SUPT3H: variants seen among roughly 807,000 people sequenced by gnomAD.
SUPT3H encodes the protein transcription initiation protein SPT3 homolog.
Under a neutral mutation model 44.3 loss-of-function variants are expected in SUPT3H, and 44 were observed. The observed-to-expected ratio is 0.99, with a 90% confidence interval of 0.78 to 1.28. The LOEUF (loss-of-function observed/expected upper bound fraction) is 1.28, where lower values mean the gene tolerates loss of function less well. SUPT3H is among the 50% of genes most tolerant of loss of function. The pLI is 0.00. For synonymous variants in SUPT3H, 124 were observed against 125.6 expected (o/e 0.99, Z 0.09); for missense variants, 380 against 387.1 (o/e 0.98, Z 0.15).
At chr6:45,210,621 GACCACC>G (rs1431534082) in intron 2 of SUPT3H, among the ~76,000 whole-genome samples, 2 of 152,038 alleles carry the variant, frequency 1.3e-5, no homozygotes, top group Non-Finnish European at 2.9e-5. Flanking sequence ...GCTGTGCTCT[GACCACC>G]TTGAGCACAT....
downstream of SUPT3H, among the ~76,000 whole-genome samples, chr6:44,826,325 G>A (rs1767749917): frequency 6.6e-6 from 1 of 152,192 alleles, no homozygotes; most frequent in East Asian, 1.9e-4. Flanking sequence ...TACAACAATA[G>A]CATGTAAAGT....
rs73735381 is a variant in SUPT3H, at chr6:45,351,320, A to G, written c.101+13881T>C. Among the ~76,000 whole-genome samples the G allele has an allele frequency of 7.2e-3, 1,097 of 152,196 alleles. 19 individuals are homozygous for G. The highest frequency in any genetic ancestry group is 0.025 in the African/African-American group (1,045 of 41,516). ...TAACCCATCAAGATCACAACTTCCT[A>G]TGCATTCTACTAAATTCAACACCTA... On this transcript the variant is annotated intron_variant, in intron 2 of 10. Coordinates refer to ENST00000371459, the MANE Select transcript of SUPT3H (RefSeq NM_003599.4).
At chr6:45,071,303 T>C (rs1166869047) in intron 3 of SUPT3H, among the ~76,000 whole-genome samples, 1 of 147,616 alleles carries the variant, frequency 6.8e-6, no homozygotes, top group Admixed American at 6.7e-5. Flanking sequence ...AATTATATTT[T>C]AAAATTGTTA....
At chr6:45,093,213 T>C (rs898924814) in intron 3 of SUPT3H, among the ~76,000 whole-genome samples, 1 of 152,058 alleles carries the variant, frequency 6.6e-6, no homozygotes, top group Non-Finnish European at 1.5e-5. Context: ...GATAAATAAA[T>C]AAAAGTTGCT....
At chr6:45,201,922 TA>T (rs1462212391) in intron 2 of SUPT3H, among the ~76,000 whole-genome samples, 5 of 151,954 alleles carry the variant, frequency 3.3e-5, no homozygotes, top group African/African-American at 1.2e-4. Flanking sequence ...GTTAAGCCCA[TA>T]AAATGTACAT....
At chr6:45,224,639 G>A (rs183061377) in intron 2 of SUPT3H, among the ~76,000 whole-genome samples, 395 of 152,076 alleles carry the variant, frequency 2.6e-3, no homozygotes, top group African/African-American at 8.4e-3. Context: ...TCAGCTGGGC[G>A]TGGTGGTGTG....
At chr6:45,008,726 A>C (rs1312185299) in intron 5 of SUPT3H, among the ~76,000 whole-genome samples, 3 of 149,568 alleles carry the variant, frequency 2.0e-5, no homozygotes, top group African/African-American at 7.4e-5. Flanking sequence ...TTTGATTTGC[A>C]TTTCTCTGAT....
chr6:45,286,176 A>G lies in SUPT3H; in HGVS notation c.101+79025T>C, dbSNP rs1196039991. Among the ~76,000 whole-genome samples the G allele has an allele frequency of 2.0e-5, 3 of 151,694 alleles. No individual in the cohort carries two copies. The East Asian group carries it at 5.8e-4, about 29-fold the overall frequency. ...AAACCTAGGCAATACCATTCAGGAC[A>G]TAGGCATGGGCCAGGACTTCATGTC... On this transcript the variant is annotated intron_variant, in intron 2 of 10. Coordinates refer to ENST00000371459, the MANE Select transcript of SUPT3H (RefSeq NM_003599.4).
intron 2 of SUPT3H, among the ~76,000 whole-genome samples, chr6:45,284,146 G>T (rs1195410163): frequency 6.6e-6 from 1 of 152,148 alleles, no homozygotes; most frequent in East Asian, 1.9e-4. Context: ...AAGCAGGAAA[G>T]ATCTAAAATT....
chr6:45,330,507 A>T (rs1787253715), intron 2 of SUPT3H, among the ~76,000 whole-genome samples: 1 of 152,000 alleles, frequency 6.6e-6, no homozygotes, highest in Non-Finnish European at 1.5e-5. Flanking sequence ...AACACATTTT[A>T]AAAACCAGAT....
intron 10 of SUPT3H, among the ~76,000 whole-genome samples, chr6:44,887,946 G>A (rs1206685110): frequency 1.2e-4 from 19 of 152,168 alleles, no homozygotes; most frequent in African/African-American, 2.7e-4. Flanking sequence ...TATCACCACC[G>A]ATCCCACAGA....
chr6:44,898,047 G>A (rs551625584), intron 10 of SUPT3H, among the ~76,000 whole-genome samples: 1 of 152,218 alleles, frequency 6.6e-6, no homozygotes, highest in South Asian at 2.1e-4. Context: ...TAACATACTT[G>A]CTTACCCAAT....
chr6:45,090,952 A>C (rs1797056240), intron 3 of SUPT3H, among the ~76,000 whole-genome samples: 1 of 151,954 alleles, frequency 6.6e-6, no homozygotes, highest in African/African-American at 2.4e-5. Flanking sequence ...CTCAAGGAAA[A>C]AGATTCTACT....
intron 10 of SUPT3H, among the ~76,000 whole-genome samples, chr6:44,912,500 G>A (rs1203118573): frequency 6.6e-6 from 1 of 152,034 alleles, no homozygotes; most frequent in Non-Finnish European, 1.5e-5. Flanking sequence ...TCTTATTCAG[G>A]GCACATTGTA....
At chr6:45,302,514 AATATATAT>A (rs10524207) in intron 2 of SUPT3H, among the ~76,000 whole-genome samples, 5,455 of 105,120 alleles carry the variant, frequency 0.052, 171 homozygotes, top group African/African-American at 0.07. Flanking sequence ...GTATCTCAGG[AATATATAT>A]ATATATATAT....
At chr6:44,856,075 C>G (rs144108185) in intron 10 of SUPT3H, among the ~76,000 whole-genome samples, 170 of 152,266 alleles carry the variant, frequency 1.1e-3, no homozygotes, top group African/African-American at 3.7e-3. Context: ...ATAGTTGAAG[C>G]ACTTATTAAT....
chr6:45,303,327 A>T (rs1368084384), intron 2 of SUPT3H, among the ~76,000 whole-genome samples: 1 of 152,180 alleles, frequency 6.6e-6, no homozygotes, highest in Non-Finnish European at 1.5e-5. Context: ...AGCAGAGTAA[A>T]CAGACAACCC....
At chr6:45,138,146 C>G (rs998451556) in intron 2 of SUPT3H, among the ~76,000 whole-genome samples, 1 of 151,908 alleles carries the variant, frequency 6.6e-6, no homozygotes, top group Non-Finnish European at 1.5e-5. Flanking sequence ...AAATCAAACA[C>G]ACAATGAGAT....
chr6:45,101,333 C>T (rs1583542247), intron 3 of SUPT3H, among the ~76,000 whole-genome samples: 1 of 152,066 alleles, frequency 6.6e-6, no homozygotes, highest in Non-Finnish European at 1.5e-5. Context: ...GCTGAGGCAG[C>T]AGAATCGCTT....
Sources: gnomAD v4.1 joint callset for allele counts (sites outside exome capture counted in the v4.1 genomes callset) on GRCh38, gnomAD v4.1.1 for gene constraint, MANE v1.5 for transcripts, NCBI Gene and HGNC (gene_info 2026-07-23, HGNC 2026-07-21) for gene names.